NRP1: variants seen among roughly 807,000 people sequenced by gnomAD.
NRP1 encodes the protein neuropilin-1.
Under a neutral mutation model 106.7 loss-of-function variants are expected in NRP1, and 35 were observed. That is an observed-to-expected ratio of 0.33 (90% confidence interval 0.25 to 0.43). The LOEUF is 0.43. Among genes scored for constraint, NRP1 ranks in the 20% least tolerant of loss-of-function variants. The pLI, the probability that NRP1 is intolerant of heterozygous loss-of-function variation, is 1.00. For synonymous variants in NRP1, 437 were observed against 417.9 expected (o/e 1.05, Z -0.56); for missense variants, 1,024 against 1,170.4 (o/e 0.87, Z 1.83).
At chr10:33,292,925 G>T (rs1208243942) in intron 2 of NRP1, among the ~76,000 whole-genome samples, 2 of 151,816 alleles carry the variant, frequency 1.3e-5, no homozygotes, top group Non-Finnish European at 1.5e-5. Flanking sequence ...GGCAGAGGTT[G>T]CAGTGAGCCG....
At position 33,238,317 on chromosome 10, in the gene NRP1, T is replaced by C. The variant is rs2133055112; in HGVS notation, c.982-12028A>G. On this transcript the variant is annotated intron_variant, in intron 6 of 16. Coordinates refer to ENST00000374867, the MANE Select transcript of NRP1 (RefSeq NM_003873.7). Reference sequence around the variant, plus strand: ...CTTTCTTTAAAGATTCACGCTTCTGTTGAAATCACACTGTTCTCGCCTCAA... The same window carrying C: ...CTTTCTTTAAAGATTCACGCTTCTGCTGAAATCACACTGTTCTCGCCTCAA... 1.3e-5 allele frequency among the ~76,000 whole-genome samples: 2 copies of C among 152,358 alleles called. 1 individual carries two copies. The highest frequency in any genetic ancestry group is 4.1e-4 in the South Asian group (2 of 4,824).
chr10:33,328,662 G>A (rs1405806777), intron 2 of NRP1, among the ~76,000 whole-genome samples: 2 of 152,136 alleles, frequency 1.3e-5, no homozygotes, highest in African/African-American at 4.8e-5. Flanking sequence ...AGAACCAACT[G>A]TGCACATTTC....
chr10:33,193,570 G>T (rs964217627), intron 12 of NRP1, among the ~76,000 whole-genome samples: 11 of 152,130 alleles, frequency 7.2e-5, no homozygotes, highest in Non-Finnish European at 1.5e-4. Context: ...TGGGGCATCT[G>T]GACCGTTGAA....
intron 3 of NRP1, among the ~76,000 whole-genome samples, chr10:33,264,689 T>C (rs916526688): frequency 1.3e-5 from 2 of 152,240 alleles, no homozygotes; most frequent in Middle Eastern, 3.2e-3. Flanking sequence ...TGGTGATTTG[T>C]CATTGAAATT....
chr10:33,185,845 C>T, intron 14 of NRP1, 121 bp from the exon 15 acceptor site: 1 of 851,596 alleles, frequency 1.2e-6, no homozygotes, highest in Non-Finnish European at 1.9e-6. Context: ...CAGCGTAACA[C>T]AGACTTCACT....
chr10:33,318,973 TG>T (rs1330310823), intron 2 of NRP1, among the ~76,000 whole-genome samples: 2 of 148,114 alleles, frequency 1.4e-5, no homozygotes, highest in Middle Eastern at 3.6e-3. Flanking sequence ...CGGGGTCGAG[TG>T]GGGACTTAGA....
At chr10:33,322,070 C>T (rs941463815) in intron 2 of NRP1, among the ~76,000 whole-genome samples, 12 of 152,102 alleles carry the variant, frequency 7.9e-5, no homozygotes, top group African/African-American at 2.7e-4. Flanking sequence ...TGAATGAGGG[C>T]GCTGTGGGAG....
At position 33,288,120 on chromosome 10, in the gene NRP1, A is replaced by G. The variant is rs1437520337; in HGVS notation, c.249-17264T>C. On this transcript the variant is annotated intron_variant, in intron 2 of 16. Transcript: ENST00000374867. ...TATCCTAGTAGATAAATGTCAGGGT[A>G]AAATGAAAATTAGAACGGTTGATTT... 2.6e-5 allele frequency among the ~76,000 whole-genome samples: 4 copies of G among 152,174 alleles called. No homozygotes were observed. The East Asian group carries it at 7.7e-4, about 29-fold the overall frequency.
intron 8 of NRP1, among the ~76,000 whole-genome samples, chr10:33,220,573 C>A (rs1201657564): frequency 1.3e-5 from 2 of 152,122 alleles, no homozygotes; most frequent in Non-Finnish European, 2.9e-5. Flanking sequence ...CTGCTATATA[C>A]TGCAGAATAT....
chr10:33,240,202 GAC>G (rs1840908129), intron 6 of NRP1, among the ~76,000 whole-genome samples: 1 of 152,034 alleles, frequency 6.6e-6, no homozygotes, highest in Non-Finnish European at 1.5e-5. Flanking sequence ...CACACACACA[GAC>G]ACACACACAC....
rs748998494 is a variant in NRP1, at chr10:33,256,464, A to G, written c.666T>C (p.Pro222=). ...TCTGTCCACAGTAACGCCCAATGTG[A>G]GGGCCAACTGGAAAGGGAGGAATAC... ...EIWDGFPDVG[P]HIGRYCGQKT... is the part of the protein sequence containing the mutation. Residue 222 remains proline (P), a synonymous_variant, in exon 5 of 17, where the codon CCT becomes CCC. Transcript: ENST00000374867. 6.2e-7 allele frequency: 1 copy of G among 1,614,068 alleles called. No individual in the cohort carries two copies.
intron 6 of NRP1, among the ~76,000 whole-genome samples, chr10:33,246,823 G>A (rs1174669193): frequency 1.3e-5 from 2 of 152,086 alleles, no homozygotes; most frequent in South Asian, 2.1e-4. Flanking sequence ...AAAGTGTCTG[G>A]TTTATAGGCA....
chr10:33,334,194 G>A, intron 1 of NRP1, 116 bp downstream of exon 1: 2 of 889,194 alleles, frequency 2.2e-6, no homozygotes, highest in Admixed American at 2.6e-5. Context: ...AGTTTCCTTC[G>A]CCCGGGAGTC....
At chr10:33,225,313 G>T (rs1256890753) in intron 7 of NRP1, among the ~76,000 whole-genome samples, 1 of 152,194 alleles carries the variant, frequency 6.6e-6, no homozygotes, top group Non-Finnish European at 1.5e-5. Context: ...ATGCTCAAAA[G>T]AGAGACAGGT....
At chr10:33,233,905 C>G (rs1234784047) in intron 6 of NRP1, among the ~76,000 whole-genome samples, 1 of 152,080 alleles carries the variant, frequency 6.6e-6, no homozygotes, top group Non-Finnish European at 1.5e-5. Context: ...TTTTACAGAG[C>G]CTGGGCCTGT....
intron 8 of NRP1, among the ~76,000 whole-genome samples, chr10:33,218,117 G>A (rs572539604): frequency 6.6e-6 from 1 of 152,112 alleles, no homozygotes; most frequent in Non-Finnish European, 1.5e-5. Flanking sequence ...ACAGACTTCT[G>A]GTTAATAACA....
chr10:33,256,252 G>A lies in NRP1; in HGVS notation c.814+64C>T, dbSNP rs1842187690. 8 of 1,511,682 alleles carry A rather than the reference G, an allele frequency of 5.3e-6. No individual in the cohort carries two copies. In the South Asian group the frequency reaches 6.9e-5, roughly 13 times the overall value. 93.6% of individuals were successfully genotyped at this position (1,511,682 alleles called of 1,614,324 possible). On this transcript the variant is annotated intron_variant, in intron 5 of 16. Transcript: ENST00000374867. ...TCTTTAGTGCTTCATGTGGCCGCAG[G>A]TGTGTGAGCAGGAATAACATTGAGT...
chr10:33,308,080 C>A (rs56220804), intron 2 of NRP1, among the ~76,000 whole-genome samples: 1 of 152,074 alleles, frequency 6.6e-6, no homozygotes, highest in Admixed American at 6.5e-5. Flanking sequence ...ATGGACGCAG[C>A]TGGAGGCCAT....
intron 2 of NRP1, among the ~76,000 whole-genome samples, chr10:33,313,872 A>G (rs1018821634): frequency 1.3e-5 from 2 of 152,184 alleles, no homozygotes; most frequent in Admixed American, 1.3e-4. Flanking sequence ...TGCCCCAGAC[A>G]GTCTTTTGTC....
Sources: gnomAD v4.1 joint callset for allele counts (sites outside exome capture counted in the v4.1 genomes callset) on GRCh38, gnomAD v4.1.1 for gene constraint, MANE v1.5 for transcripts, NCBI Gene and HGNC (gene_info 2026-07-23, HGNC 2026-07-21) for gene names.